The following NCOR2 variants were observed in gnomAD, a reference collection of about 807,000 sequenced individuals.
NCOR2 encodes nuclear receptor corepressor 2.
In NCOR2, 81 loss-of-function variants were observed where a neutral mutation model predicts 262.9. That is an observed-to-expected ratio of 0.31 (90% CI 0.26 to 0.37). The LOEUF (loss-of-function observed/expected upper bound fraction) is 0.37. Ranked by LOEUF, NCOR2 falls within the 10% of genes least tolerant of loss-of-function variation. The pLI, the probability that NCOR2 is intolerant of heterozygous loss-of-function variation, is 1.00. For missense variants in NCOR2, 3,385 were observed against 3,621.4 expected (o/e 0.93, Z 1.68); for synonymous variants, 1,659 against 1,559.3 (o/e 1.06, Z -1.51).
chr12:124,422,523 A>G, exon 12 of NCOR2: 1 of 1,614,064 alleles, frequency 6.2e-7, no homozygotes, highest in Non-Finnish European at 8.5e-7. Context: ...GAATGATGCG[A>G]TCAGGCCAAA....
rs1312003270 is a variant in NCOR2, at chr12:124,392,589, T to G, written c.1876+5530A>C. Among the ~76,000 whole-genome samples the G allele has an allele frequency of 2.0e-5, 3 of 152,288 alleles. No homozygotes were observed. In the East Asian group the frequency reaches 5.8e-4, roughly 29 times the overall value. On this transcript the variant is annotated intron_variant, in intron 16 of 46. Coordinates refer to ENST00000405201, the Ensembl canonical transcript of NCOR2. ...GACCCAAACCCAGGAGCAGCAGCAC[T>G]GCCTACCGGCCCGCCCACCCCACTG...
chr12:124,473,042 C>A, exon 4 of NCOR2: 1 of 1,614,156 alleles, frequency 6.2e-7, no homozygotes, highest in Non-Finnish European at 8.5e-7. Flanking sequence ...CCTCCTTGGA[C>A]AGCCGTGGCG....
At chr12:124,398,801 G>A (rs970778894) in intron 15 of NCOR2, among the ~76,000 whole-genome samples, 6 of 152,228 alleles carry the variant, frequency 3.9e-5, no homozygotes, top group Non-Finnish European at 7.3e-5. Flanking sequence ...CGCCCATGGC[G>A]GAGAAGCCCT....
rs1593968251 is a variant in NCOR2, at chr12:124,523,495, A to C, written c.-118+12070T>G. On this transcript the variant is annotated intron_variant, in intron 1 of 46. Coordinates refer to the NCOR2 transcript ENST00000404621. This position sits in a 1 kb window ranked among gnomAD's most constrained non-coding sequence, Gnocchi z 4.0. ...GCCGGCCAGCATCACCCAAGCTCTC[A>C]GTGTGCCAGGGTCAGTGGGCTTCAC... Among the ~76,000 whole-genome samples the C allele has an allele frequency of 2.0e-5, 3 of 152,274 alleles. No homozygotes were observed. The highest frequency in any genetic ancestry group is 2.0e-4 in the Admixed American group (3 of 15,292).
upstream of NCOR2, among the ~76,000 whole-genome samples, chr12:124,536,919 C>T (rs113484921): frequency 9.2e-3 from 1,402 of 152,200 alleles, 20 homozygotes; most frequent in African/African-American, 0.032. Context: ...GACAGGTGAA[C>T]GGATAAACAG....
At chr12:124,502,924 C>T (rs567794062) in intron 1 of NCOR2, among the ~76,000 whole-genome samples, 5 of 152,286 alleles carry the variant, frequency 3.3e-5, no homozygotes, top group Admixed American at 2.6e-4. Context: ...CCATGCACAG[C>T]GGCAGGCCTG....
chr12:124,405,545 G>A (rs193262267), intron 13 of NCOR2, among the ~76,000 whole-genome samples: 73 of 152,360 alleles, frequency 4.8e-4, no homozygotes, highest in African/African-American at 1.7e-3. Flanking sequence ...TCCGGTGGGG[G>A]AAGATGAAAA....
chr12:124,380,764 G>T (rs1300831885), intron 17 of NCOR2, among the ~76,000 whole-genome samples: 1 of 152,070 alleles, frequency 6.6e-6, no homozygotes, highest in East Asian at 1.9e-4. Context: ...CAGCATCCTG[G>T]AGTGCAAGGT....
At chr12:124,528,481 T>A (rs1276660496) in intron 1 of NCOR2, among the ~76,000 whole-genome samples, 1 of 152,178 alleles carries the variant, frequency 6.6e-6, no homozygotes, top group Non-Finnish European at 1.5e-5. Flanking sequence ...GCCATGCTCC[T>A]CCCTTGCCCC....
In NCOR2 at chr12:124,378,229, G is replaced by GC. The variant is rs757400690; in HGVS notation, c.2167+7dup. ...TGCCAGCCACCTCCAAGCCGCGCCA[G>GC]CCCTCACCTTCAGCCTCCTCCACCA... is the stretch of plus-strand genomic sequence containing the variant. On this transcript the variant is annotated splice_region_variant and intron_variant, in intron 18 of 46. Transcript: ENST00000405201. This position sits in a 1 kb window ranked among gnomAD's most constrained non-coding sequence, Gnocchi z 4.2. 31 of 1,612,944 alleles carry GC rather than the reference G, an allele frequency of 1.9e-5. No homozygotes were observed. The South Asian group carries it at 3.4e-4, about 18-fold the overall frequency.
upstream of NCOR2, chr12:124,567,609 TGGCGGCGGC>T (rs574345580): frequency 0.22 from 31,116 of 143,872 alleles, 3,522 homozygotes; most frequent in East Asian, 0.3. Context: ...GCGGCGGCGG[TGGCGGCGGC>T]GGCGGCGGCG....
chr12:124,448,094 A>G (rs2045295084), intron 7 of NCOR2, among the ~76,000 whole-genome samples: 1 of 152,238 alleles, frequency 6.6e-6, no homozygotes, highest in African/African-American at 2.4e-5. Flanking sequence ...AAGGCTGAAT[A>G]GCCAAGGCCT....
At chr12:124,354,749 G>T in intron 25 of NCOR2, 88 bp downstream of exon 27, 2 of 1,390,098 alleles carry the variant, frequency 1.4e-6, no homozygotes, top group East Asian at 2.4e-5. Context: ...AGTACCGTGG[G>T]CCAAGATACC....
chr12:124,338,257 C>T (rs1369000333), intron 37 of NCOR2, among the ~76,000 whole-genome samples: 5 of 152,076 alleles, frequency 3.3e-5, no homozygotes, highest in Non-Finnish European at 2.9e-5. Context: ...CCTGTAATCC[C>T]GGCACTTTGG....
At chr12:124,506,376 T>C (rs2049038335) in intron 1 of NCOR2, among the ~76,000 whole-genome samples, 1 of 151,974 alleles carries the variant, frequency 6.6e-6, no homozygotes, top group Non-Finnish European at 1.5e-5. Context: ...GGCCCGTTAC[T>C]GTTTCCAATA....
Position 124,481,785 on chromosome 12 carries a change from G to A in NCOR2, c.411+1811C>T, listed in dbSNP as rs1408342170. Among the ~76,000 whole-genome samples the A allele has an allele frequency of 2.6e-5, 4 of 152,108 alleles. No individual in the cohort carries two copies. The highest frequency in any genetic ancestry group is 9.7e-5 in the African/African-American group (4 of 41,396). On this transcript the variant is annotated intron_variant, in intron 3 of 46. Coordinates refer to ENST00000405201, the Ensembl canonical transcript of NCOR2. The surrounding 1 kb of genome is among the most constrained non-coding windows in gnomAD (Gnocchi z 4.6). ...CATGGATGGTTTGGAGCACAGGGGGGAACACACAGGGGGATGCAGTCGTCT... is the reference window on the plus strand; with the variant it reads ...CATGGATGGTTTGGAGCACAGGGGGAAACACACAGGGGGATGCAGTCGTCT...
chr12:124,524,689 A>G (rs1162540657), intron 1 of NCOR2, among the ~76,000 whole-genome samples: 1 of 152,214 alleles, frequency 6.6e-6, no homozygotes, highest in African/African-American at 2.4e-5. Flanking sequence ...GCCACAACTC[A>G]GGAGCCCTAA....
chr12:124,516,978 G>T (rs940090590), intron 1 of NCOR2, among the ~76,000 whole-genome samples: 1 of 152,154 alleles, frequency 6.6e-6, no homozygotes, highest in Non-Finnish European at 1.5e-5. Flanking sequence ...GAGGCTCAGA[G>T]ACAGTAAGTG....
chr12:124,499,955 G>A (rs1214632042), upstream of NCOR2, among the ~76,000 whole-genome samples: 2 of 152,126 alleles, frequency 1.3e-5, no homozygotes, highest in Non-Finnish European at 2.9e-5. Flanking sequence ...AAAGTCAGGA[G>A]GGAGGCTGAC....
Sources: gnomAD v4.1 joint callset for allele counts (sites outside exome capture counted in the v4.1 genomes callset) on GRCh38, gnomAD v4.1.1 for gene constraint, Gnocchi (gnomAD v3.1) non-coding constraint, MANE v1.5 for transcripts, NCBI Gene and HGNC (gene_info 2026-07-23, HGNC 2026-07-21) for gene names.